Variants in ZFYVE9 observed in about 807,000 individuals in gnomAD.
ZFYVE9 encodes zinc finger FYVE domain-containing protein 9.
Under a neutral mutation model 126.7 loss-of-function variants are expected in ZFYVE9, and 43 were observed. That is an observed-to-expected ratio of 0.34 (90% CI 0.27 to 0.44). The LOEUF (loss-of-function observed/expected upper bound fraction) is 0.44. Among genes scored for constraint, ZFYVE9 ranks in the 20% least tolerant of loss-of-function variants. The pLI is 1.00. For missense variants in ZFYVE9, 1,476 were observed against 1,697.0 expected, an observed-to-expected ratio of 0.87 and a Z score of 2.29; for synonymous variants, 521 against 597.4, an observed-to-expected ratio of 0.87 and a Z score of 1.87.
chr1:52,295,123 G>A (rs1007291459), intron 11 of ZFYVE9, among the ~76,000 whole-genome samples: 2 of 151,994 alleles, frequency 1.3e-5, no homozygotes, highest in East Asian at 1.9e-4. Context: ...CAGGAGAATC[G>A]CTTGAACCCT....
intron 4 of ZFYVE9, among the ~76,000 whole-genome samples, chr1:52,261,226 CTTTT>C (rs954031127): frequency 4.5e-5 from 6 of 132,108 alleles, no homozygotes; most frequent in Admixed American, 1.5e-4. Context: ...TTCTTTCTTT[CTTTT>C]TTTTTTTTTT....
chr1:52,315,317 A>G (rs1646174089), intron 13 of ZFYVE9, among the ~76,000 whole-genome samples: 1 of 151,848 alleles, frequency 6.6e-6, no homozygotes, highest in Non-Finnish European at 1.5e-5. Flanking sequence ...ATTCCTAGCT[A>G]CTCTCTAGGC....
chr1:52,201,230 ATT>A (rs1644920098), intron 1 of ZFYVE9, among the ~76,000 whole-genome samples: 1 of 152,060 alleles, frequency 6.6e-6, no homozygotes, highest in Non-Finnish European at 1.5e-5. Context: ...TATTTTGTTT[ATT>A]TTGGTGCTAA....
chr1:52,171,322 C>T (rs1206461854), intron 1 of ZFYVE9, among the ~76,000 whole-genome samples: 5 of 152,174 alleles, frequency 3.3e-5, no homozygotes, highest in East Asian at 1.9e-4. Context: ...CTACAAAGGA[C>T]GTGAACTCAT....
chr1:52,151,824 G>A (rs1644359347), intron 1 of ZFYVE9, among the ~76,000 whole-genome samples: 9 of 151,926 alleles, frequency 5.9e-5, no homozygotes, highest in Admixed American at 5.2e-4. Context: ...GCCCATCCAG[G>A]ATTTCTAAAG....
At chr1:52,314,359 T>C (rs928170392) in intron 13 of ZFYVE9, among the ~76,000 whole-genome samples, 3 of 152,206 alleles carry the variant, frequency 2.0e-5, no homozygotes, top group Admixed American at 2.0e-4. Flanking sequence ...TGTCATCCTA[T>C]ATTTTATACC....
intron 13 of ZFYVE9, among the ~76,000 whole-genome samples, chr1:52,319,391 G>A (rs755339538): frequency 6.6e-6 from 1 of 152,040 alleles, no homozygotes; most frequent in Non-Finnish European, 1.5e-5. Context: ...TTGGGAGCCC[G>A]ATGTGGGCGG....
At chr1:52,147,054 T>G (rs898549978) in intron 1 of ZFYVE9, among the ~76,000 whole-genome samples, 3 of 152,136 alleles carry the variant, frequency 2.0e-5, no homozygotes, top group African/African-American at 4.8e-5. Flanking sequence ...TGTACAAAAT[T>G]ATTAAAAATA....
chr1:52,265,447 A>G (rs1645624731), intron 5 of ZFYVE9, among the ~76,000 whole-genome samples: 3 of 152,066 alleles, frequency 2.0e-5, no homozygotes, highest in African/African-American at 4.8e-5. Flanking sequence ...GGTGGCTTCT[A>G]TTTCTGGGCA....
chr1:52,287,251 A>AC (rs1645870858), intron 10 of ZFYVE9, among the ~76,000 whole-genome samples: 1 of 152,070 alleles, frequency 6.6e-6, no homozygotes, highest in Admixed American at 6.6e-5. Flanking sequence ...AACTGGGACT[A>AC]CAGGCACCTG....
rs564209913 is a variant in ZFYVE9 at position 52,152,220 on chromosome 1, C to A, written c.-143+9817C>A. On this transcript the variant is annotated intron_variant, in intron 1 of 18. Coordinates refer to ENST00000287727, the MANE Select transcript of ZFYVE9 (RefSeq NM_004799.4). ...GGCCAGGCTGATCTCGAACTCCTGACCTCAGATGATCCACCTGCCTCAGCC... is the reference window on the plus strand; with the variant it reads ...GGCCAGGCTGATCTCGAACTCCTGAACTCAGATGATCCACCTGCCTCAGCC... Among the ~76,000 whole-genome samples the A allele has an allele frequency of 1.6e-4, 24 of 152,198 alleles. No individual in the cohort carries two copies. In the South Asian group the frequency reaches 5.0e-3, roughly 32 times the overall value.
At chr1:52,330,153 G>A (rs569601073) in intron 13 of ZFYVE9, among the ~76,000 whole-genome samples, 80 of 152,298 alleles carry the variant, frequency 5.3e-4, no homozygotes, top group African/African-American at 1.6e-3. Context: ...CAAGGTGGGC[G>A]GACCACTTGA....
intron 1 of ZFYVE9, among the ~76,000 whole-genome samples, chr1:52,174,693 T>G (rs529609390): frequency 1.3e-5 from 2 of 152,228 alleles, no homozygotes; most frequent in African/African-American, 2.4e-5. Context: ...TGCTCCTGTA[T>G]TGGGTGCATA....
At chr1:52,240,780 TCAGGGAGGAAGGGACC>T (rs1241348223) in intron 4 of ZFYVE9, among the ~76,000 whole-genome samples, 2 of 152,168 alleles carry the variant, frequency 1.3e-5, no homozygotes, top group Non-Finnish European at 2.9e-5. Context: ...CACCCTCTTA[TCAGGGAGGAAGGGACC>T]TCCAGCAACT....
chr1:52,178,986 T>C (rs1038507913), intron 1 of ZFYVE9, among the ~76,000 whole-genome samples: 27 of 152,116 alleles, frequency 1.8e-4, no homozygotes, highest in Admixed American at 1.8e-3. Flanking sequence ...TTTGTTTTTG[T>C]AGAGACAGGG....
chr1:52,250,515 T>G (rs966234213), intron 4 of ZFYVE9, among the ~76,000 whole-genome samples: 1 of 152,180 alleles, frequency 6.6e-6, no homozygotes, highest in Non-Finnish European at 1.5e-5. Flanking sequence ...TTTGTGTGTT[T>G]GCGGGGAATC....
At chr1:52,160,147 C>G (rs1644442430) in intron 1 of ZFYVE9, 1 of 622,640 alleles carries the variant, frequency 1.6e-6, no homozygotes, top group Non-Finnish European at 2.9e-6. Context: ...TAACACTATT[C>G]TCTGGAGTAG....
At chr1:52,203,739 CTATTAT>C (rs572072317) in intron 1 of ZFYVE9, among the ~76,000 whole-genome samples, 1 of 150,254 alleles carries the variant, frequency 6.7e-6, no homozygotes, top group Non-Finnish European at 1.5e-5. Context: ...GTATTTTGTT[CTATTAT>C]TATTATTATT....
At chr1:52,306,942 A>C (rs557180688) in intron 13 of ZFYVE9, among the ~76,000 whole-genome samples, 1 of 152,186 alleles carries the variant, frequency 6.6e-6, no homozygotes, top group Non-Finnish European at 1.5e-5. Flanking sequence ...CCCTTGACAG[A>C]CATGGGATCC....
Sources: gnomAD v4.1 joint callset for allele counts (sites outside exome capture counted in the v4.1 genomes callset) on GRCh38, gnomAD v4.1.1 for gene constraint, MANE v1.5 for transcripts, NCBI Gene and HGNC (gene_info 2026-07-23, HGNC 2026-07-21) for gene names.